The following TBCA variants were observed in gnomAD, a reference collection of about 807,000 sequenced individuals.
The protein encoded by TBCA is tubulin folding cofactor A.
A neutral mutation model predicts 15.8 loss-of-function variants in TBCA; 6 were observed. The observed-to-expected ratio is 0.38, with a 90% CI of 0.21 to 0.75. TBCA has a LOEUF of 0.75. Among genes scored for constraint, TBCA ranks in the 30% least tolerant of loss-of-function variants. The probability of loss-of-function intolerance (pLI) is 0.46; values close to 1 mark genes in which losing one functional copy is unlikely to be tolerated. For missense variants in TBCA, 90 were observed against 131.2 expected, an observed-to-expected ratio of 0.69 and a Z score of 1.53; for synonymous variants, 32 against 42.3, an observed-to-expected ratio of 0.76 and a Z score of 0.94.
At chr5:77,762,664 G>A (rs745935646) in intron 1 of TBCA, among the ~76,000 whole-genome samples, 4 of 152,128 alleles carry the variant, frequency 2.6e-5, no homozygotes, top group Non-Finnish European at 4.4e-5. Flanking sequence ...TTTGGCTTCA[G>A]CTCCTGAAAA....
chr5:77,765,255 T>C (rs1008725230), intron 1 of TBCA, among the ~76,000 whole-genome samples: 1 of 152,264 alleles, frequency 6.6e-6, no homozygotes, highest in African/African-American at 2.4e-5. Context: ...CAAGTGAAAG[T>C]GAAAAAGGCA....
intron 1 of TBCA, among the ~76,000 whole-genome samples, chr5:77,753,446 T>G (rs574848986): frequency 1.3e-5 from 2 of 152,326 alleles, no homozygotes; most frequent in South Asian, 4.1e-4. Context: ...TTTAAAAACA[T>G]TCCCTCCCTT....
At chr5:77,715,492 G>T (rs900002828) in intron 1 of TBCA, among the ~76,000 whole-genome samples, 1 of 152,124 alleles carries the variant, frequency 6.6e-6, no homozygotes, top group Non-Finnish European at 1.5e-5. Context: ...ATATAATAAA[G>T]AAGTCATGTT....
At chr5:77,752,531 TTTTTG>T (rs147708459) in intron 1 of TBCA, among the ~76,000 whole-genome samples, 15,615 of 117,226 alleles carry the variant, frequency 0.13, 4,847 homozygotes, top group African/African-American at 0.28. Flanking sequence ...GTCCGGCTTA[TTTTTG>T]TTTTGTTTTG....
chr5:77,692,357 T>C, intron 3 of TBCA: 1 of 985,272 alleles, frequency 1.0e-6, no homozygotes, highest in Non-Finnish European at 1.2e-6. Flanking sequence ...ATCTTTGTTC[T>C]CTGTTAGTAA....
At chr5:77,730,727 C>T (rs1192144845) in intron 1 of TBCA, among the ~76,000 whole-genome samples, 2 of 152,006 alleles carry the variant, frequency 1.3e-5, no homozygotes, top group Admixed American at 1.3e-4. Flanking sequence ...ACCCACCTAC[C>T]CATCCATCCA....
At chr5:77,721,693 T>C (rs1746533105) in intron 1 of TBCA, among the ~76,000 whole-genome samples, 1 of 152,110 alleles carries the variant, frequency 6.6e-6, no homozygotes, top group South Asian at 2.1e-4. Flanking sequence ...TTGGTAATAG[T>C]ACTTGGCATA....
rs56096518 is a variant in TBCA, at chr5:77,698,710, C to T, written c.160-5358G>A. Among the ~76,000 whole-genome samples, 1,346 of 152,228 alleles carry T rather than the reference C, an allele frequency of 8.8e-3. 15 individuals are homozygous for T. Among genetic ancestry groups the T allele is most frequent in the African/African-American group, 0.031 (1,273 of 41,532 alleles). On this transcript the variant is annotated intron_variant, in intron 2 of 3. Transcript: ENST00000380377. The stretch of plus-strand genomic sequence containing the variant: ...CTGTATTAACCTTACAGCAACACCA[C>T]ACAAAGACAGCACAAAAAACGAAAA...
At chr5:77,770,728 TA>T (rs200258634) in intron 1 of TBCA, among the ~76,000 whole-genome samples, 11 of 132,540 alleles carry the variant, frequency 8.3e-5, no homozygotes, top group African/African-American at 8.8e-5. Flanking sequence ...ATCCAAATCT[TA>T]AAAAAAAAAG....
At chr5:77,750,982 G>C (rs1286515116) in intron 1 of TBCA, among the ~76,000 whole-genome samples, 1 of 152,042 alleles carries the variant, frequency 6.6e-6, no homozygotes, top group Non-Finnish European at 1.5e-5. Flanking sequence ...GTTAAGATAA[G>C]GGTTATGAAG....
intron 3 of TBCA, chr5:77,692,542 C>T (rs2112416215): frequency 2.1e-6 from 2 of 974,886 alleles, no homozygotes; most frequent in African/African-American, 3.5e-5. Context: ...ACCTCAGCCT[C>T]CCAAAGTGCT....
intron 1 of TBCA, among the ~76,000 whole-genome samples, chr5:77,714,739 T>C (rs996044664): frequency 3.3e-5 from 5 of 152,068 alleles, no homozygotes; most frequent in Admixed American, 2.6e-4. Flanking sequence ...GCTAATTTTT[T>C]GTATTTCTAG....
At chr5:77,703,721 G>A (rs551652558) in intron 2 of TBCA, among the ~76,000 whole-genome samples, 27 of 152,062 alleles carry the variant, frequency 1.8e-4, no homozygotes, top group Middle Eastern at 3.4e-3. Context: ...GGACTTTTGG[G>A]TGCACACCAC....
At chr5:77,713,167 G>T (rs776654746) in intron 1 of TBCA, among the ~76,000 whole-genome samples, 1 of 152,076 alleles carries the variant, frequency 6.6e-6, no homozygotes, top group African/African-American at 2.4e-5. Flanking sequence ...GTGGTGGCAT[G>T]CCTTTGTAGT....
chr5:77,743,465 C>G (rs912509601), intron 1 of TBCA, among the ~76,000 whole-genome samples: 1 of 152,210 alleles, frequency 6.6e-6, no homozygotes, highest in Non-Finnish European at 1.5e-5. Context: ...GCAGTTCTGA[C>G]CCTGAGTGCA....
At chr5:77,716,052 T>C (rs1001861061) in intron 1 of TBCA, among the ~76,000 whole-genome samples, 22 of 152,218 alleles carry the variant, frequency 1.4e-4, no homozygotes, top group Non-Finnish European at 2.8e-4. Flanking sequence ...AGGTACTGTA[T>C]TGCATTTAAT....
intron 1 of TBCA, among the ~76,000 whole-genome samples, chr5:77,729,055 T>C (rs1272866155): frequency 6.6e-6 from 1 of 152,154 alleles, no homozygotes; most frequent in African/African-American, 2.4e-5. Flanking sequence ...GGCTCATGAC[T>C]GTAATCCCAG....
intron 1 of TBCA, among the ~76,000 whole-genome samples, chr5:77,763,648 AC>A (rs1401126624): frequency 6.6e-6 from 1 of 152,182 alleles, no homozygotes; most frequent in African/African-American, 2.4e-5. Context: ...ATCTCTTCCC[AC>A]CACTCGAGGA....
At chr5:77,711,633 G>T (rs1746280038) in intron 1 of TBCA, among the ~76,000 whole-genome samples, 1 of 152,138 alleles carries the variant, frequency 6.6e-6, no homozygotes, top group Non-Finnish European at 1.5e-5. Flanking sequence ...CAGAAAAAAA[G>T]TGATTCACAA....
Sources: gnomAD v4.1 joint callset for allele counts (sites outside exome capture counted in the v4.1 genomes callset) on GRCh38, gnomAD v4.1.1 for gene constraint, MANE v1.5 for transcripts, NCBI Gene and HGNC (gene_info 2026-07-23, HGNC 2026-07-21) for gene names.